MADD: variants seen among roughly 807,000 people sequenced by gnomAD.
MADD encodes the protein MAP kinase activating death domain.
A neutral mutation model predicts 176.7 loss-of-function variants in MADD; 109 were observed. That is an observed-to-expected ratio of 0.62 (90% CI 0.53 to 0.72). The LOEUF (loss-of-function observed/expected upper bound fraction) is 0.72, where lower values mean the gene tolerates loss of function less well. Ranked by LOEUF, MADD falls within the 30% of genes least tolerant of loss-of-function variation. The pLI, the probability that MADD is intolerant of heterozygous loss-of-function variation, is 0.00. For missense variants in MADD, 1,914 were observed against 2,045.5 expected, an observed-to-expected ratio of 0.94 and a Z score of 1.24; for synonymous variants, 771 against 771.3, an observed-to-expected ratio of 1.00 and a Z score of 0.01.
chr11:47,278,419 G>A, intron 6 of MADD, 141 bp downstream of exon 6: 2 of 640,436 alleles, frequency 3.1e-6, no homozygotes, highest in East Asian at 5.3e-5. Context: ...ACTGAAACAA[G>A]TTTTTTTAAA....
intron 31 of MADD, chr11:47,328,065 C>T: frequency 3.0e-6 from 3 of 993,792 alleles, no homozygotes; most frequent in Non-Finnish European, 3.6e-6. Flanking sequence ...CTCTCCCTCA[C>T]ACAGGCAGGT....
chr11:47,315,446 T>C (rs1009067176), intron 27 of MADD, 119 bp downstream of exon 30: 1 of 591,266 alleles, frequency 1.7e-6, no homozygotes. Context: ...CTATTTATCA[T>C]TAAATTATCA....
intron 19 of MADD, among the ~76,000 whole-genome samples, chr11:47,293,476 A>AT (rs2067257703): frequency 6.6e-6 from 1 of 151,534 alleles, no homozygotes; most frequent in Non-Finnish European, 1.5e-5. Context: ...TAATTTTTGT[A>AT]TTTTTTGGTA....
chr11:47,315,300 T>C (rs759207993), exon 27 of MADD: 1 of 1,613,494 alleles, frequency 6.2e-7, no homozygotes. Flanking sequence ...CAGGGACAGA[T>C]ACAAACGGAG....
Position 47,286,426 on chromosome 11 carries a change from T to C in MADD, c.2552-7T>C, listed in dbSNP as rs1301420393. The C allele has an allele frequency of 6.2e-7, 1 of 1,609,330 alleles. No homozygotes were observed. Among genetic ancestry groups the C allele is most frequent in the Non-Finnish European group, 8.5e-7 (1 of 1,175,588 alleles). ...AAGTCATCGCTCTTGCACCCTCCCC[T>C]TGATAGGCAGCCTCTATCGGAACCA... On this transcript the variant is annotated splice_polypyrimidine_tract_variant and splice_region_variant and intron_variant, in intron 14 of 32. Coordinates refer to ENST00000402192, the Ensembl canonical transcript of MADD.
Position 47,293,786 on chromosome 11 carries a change from A to G in MADD, c.3302-97A>G, listed in dbSNP as rs1046842477. 101 of 765,516 alleles carry G rather than the reference A, an allele frequency of 1.3e-4. No homozygotes were observed. In the East Asian group the frequency reaches 2.5e-3, roughly 19 times the overall value. 47.4% of individuals were successfully genotyped at this position (765,516 alleles called of 1,614,324 possible). On this transcript the variant is annotated intron_variant, in intron 19 of 32. Transcript: ENST00000402192. ...TTGGAAAGGTGACTAGGATGGGCTGAACGGGTCTGGGAACAGCCTGTGCTG... is the reference window on the plus strand; with the variant it reads ...TTGGAAAGGTGACTAGGATGGGCTGGACGGGTCTGGGAACAGCCTGTGCTG...
chr11:47,292,722 CAGCAGGTAGGT>C, intron 19 of MADD, 126 bp downstream of exon 21: 1 of 846,974 alleles, frequency 1.2e-6, no homozygotes, highest in South Asian at 1.4e-5. Context: ...TTTGGAATGG[CAGCAGGTAGGT>C]AGCATGTGAC....
intron 1 of MADD, among the ~76,000 whole-genome samples, chr11:47,271,575 G>A (rs1023212557): frequency 1.3e-5 from 2 of 152,194 alleles, no homozygotes; most frequent in Non-Finnish European, 2.9e-5. Context: ...AGTAGGAGGT[G>A]CTTCAGGCCT....
chr11:47,308,685 A>G (rs748713787), exon 23 of MADD: 5 of 1,613,546 alleles, frequency 3.1e-6, no homozygotes, highest in East Asian at 2.2e-5. Context: ...GTCTATCTCT[A>G]TGAGGGACTC....
chr11:47,299,208 A>G (rs1487444968), intron 22 of MADD, among the ~76,000 whole-genome samples: 3 of 152,132 alleles, frequency 2.0e-5, no homozygotes, highest in Non-Finnish European at 1.5e-5. Context: ...TGTGAAGAAT[A>G]CCGTTGGTAT....
At chr11:47,310,245 G>A (rs944154312) in intron 25 of MADD, among the ~76,000 whole-genome samples, 4 of 150,800 alleles carry the variant, frequency 2.7e-5, no homozygotes, top group African/African-American at 9.8e-5. Context: ...ACAGTGGCAC[G>A]ATCTTGGCTC....
chr11:47,324,233 C>T (rs1169439012), intron 28 of MADD, 32 bp from the exon 32 acceptor site: 1 of 1,606,868 alleles, frequency 6.2e-7, no homozygotes, highest in South Asian at 1.1e-5. Context: ...GGACAGCCCT[C>T]ATGATGGGAC....
upstream of MADD, chr11:47,269,297 T>C (rs1958158223): frequency 6.6e-6 from 1 of 152,410 alleles, no homozygotes; most frequent in African/African-American, 2.4e-5. Flanking sequence ...AATGGAATGC[T>C]GAGGCTTAGG....
At chr11:47,329,544 C>T (rs1231060986) in exon 33 of MADD, 2 of 183,142 alleles carry the variant, frequency 1.1e-5, no homozygotes, top group Non-Finnish European at 1.2e-5. Flanking sequence ...GCGCCTGGAG[C>T]AGTTTCACTC....
At chr11:47,329,129 G>C in exon 33 of MADD, 2 of 1,613,994 alleles carry the variant, frequency 1.2e-6, no homozygotes, top group South Asian at 2.2e-5. Flanking sequence ...TCAGAACCCC[G>C]CCCCGGCCTG....
At chr11:47,272,553 G>C (rs1352728348) in intron 1 of MADD, among the ~76,000 whole-genome samples, 1 of 152,112 alleles carries the variant, frequency 6.6e-6, no homozygotes, top group African/African-American at 2.4e-5. Flanking sequence ...AGAGCACAGA[G>C]GTAGAATCCT....
At chr11:47,309,229 C>CTATA in intron 23 of MADD, 52 bp from the exon 27 acceptor site, 1 of 1,588,928 alleles carries the variant, frequency 6.3e-7, no homozygotes, top group South Asian at 1.1e-5. Context: ...TGTTTGGCAG[C>CTATA]TATATTCTTA....
intron 1 of MADD, among the ~76,000 whole-genome samples, chr11:47,273,583 G>T (rs1273964092): frequency 1.3e-5 from 2 of 152,154 alleles, no homozygotes; most frequent in Non-Finnish European, 2.9e-5. Flanking sequence ...CAGGTGATCC[G>T]CCTCGGCCTC....
intron 7 of MADD, 21 bp from the exon 8 acceptor site, chr11:47,281,554 A>T: frequency 6.3e-7 from 1 of 1,579,258 alleles, no homozygotes. Context: ...TTGTGTAAGG[A>T]ATTTTCTTGT....
Sources: gnomAD v4.1 joint callset for allele counts (sites outside exome capture counted in the v4.1 genomes callset) on GRCh38, gnomAD v4.1.1 for gene constraint, MANE v1.5 for transcripts, NCBI Gene and HGNC (gene_info 2026-07-23, HGNC 2026-07-21) for gene names.